The following ITGB3 variants were observed in gnomAD, a reference collection of about 807,000 sequenced individuals.
The protein encoded by ITGB3 is integrin subunit beta 3.
ITGB3 carries 48 observed loss-of-function variants against 85.8 expected under a neutral mutation model. The observed-to-expected ratio is 0.56, with a 90% CI of 0.44 to 0.71. ITGB3 has a LOEUF of 0.71. Among genes scored for constraint, ITGB3 ranks in the 30% least tolerant of loss-of-function variants. ITGB3 has a pLI of 0.00. For synonymous variants in ITGB3, 363 were observed against 395.6 expected (o/e 0.92, Z 0.98); for missense variants, 861 against 1,019.1 (o/e 0.84, Z 2.11).
chr17:47,253,848 G>C lies in ITGB3; in HGVS notation c.-14G>C. 7 of 1,211,606 alleles carry C rather than the reference G, an allele frequency of 5.8e-6. No individual in the cohort carries two copies. The highest frequency in any genetic ancestry group is 7.2e-6 in the Non-Finnish European group (7 of 975,038). 75.1% of individuals were successfully genotyped at this position (1,211,606 alleles called of 1,614,324 possible). On this transcript the variant is annotated 5_prime_UTR_variant, in exon 1 of 15. Transcript: ENST00000559488. ...CACTGTGGGGCGGGCGGAGCGCCGC[G>C]GGAGGCGGACGAGATGCGAGCGCGG...
intron 1 of ITGB3, among the ~76,000 whole-genome samples, chr17:47,258,069 C>T (rs2064996448): frequency 1.3e-5 from 2 of 152,206 alleles, no homozygotes; most frequent in Admixed American, 1.3e-4. Flanking sequence ...AGCATGCCCA[C>T]AGGAACCACA....
rs1282245056 is a variant in ITGB3 at position 47,300,507 on chromosome 17, G to A, written c.1943G>A (p.Arg648Gln). 8.1e-6 allele frequency: 13 copies of A among 1,613,932 alleles called. No homozygotes were observed. The highest frequency in any genetic ancestry group is 3.3e-4 in the Middle Eastern group (2 of 6,062). Residue 648 changes from arginine to glutamine, a missense_variant, in exon 12 of 15, where the codon CGG becomes CAG. By Grantham distance (43) the Arg-to-Gln change is conservative. Coordinates refer to ENST00000559488, the MANE Select transcript of ITGB3 (RefSeq NM_000212.3). ...KECVECKKFD[R>Q]GALHDENTCN... ...TGTGTGGAGTGTAAGAAGTTTGACC[G>A]GGGAGCCCTACATGACGAAAATACC...
intron 9 of ITGB3, among the ~76,000 whole-genome samples, chr17:47,291,651 C>T (rs1331676529): frequency 2.6e-5 from 4 of 152,176 alleles, no homozygotes; most frequent in Non-Finnish European, 4.4e-5. Context: ...GTGCAAACAT[C>T]CCATGTTAGA....
chr17:47,307,724 G>A, intron 14 of ITGB3, 87 bp downstream of exon 14: 2 of 1,266,648 alleles, frequency 1.6e-6, no homozygotes. Context: ...GTCATGTTCA[G>A]CCAGTACCAT....
At chr17:47,267,409 C>G (rs1288605768) in intron 1 of ITGB3, among the ~76,000 whole-genome samples, 2 of 152,218 alleles carry the variant, frequency 1.3e-5, no homozygotes, top group Non-Finnish European at 2.9e-5. Flanking sequence ...CAAACTCCTT[C>G]CACACGTTCA....
chr17:47,259,748 A>G (rs2065002676), intron 1 of ITGB3, among the ~76,000 whole-genome samples: 1 of 152,112 alleles, frequency 6.6e-6, no homozygotes, highest in African/African-American at 2.4e-5. Context: ...AAAAATACAA[A>G]ATCAGCTGGG....
At chr17:47,282,634 A>G (rs1366132226) in intron 2 of ITGB3, among the ~76,000 whole-genome samples, 2 of 152,148 alleles carry the variant, frequency 1.3e-5, no homozygotes, top group African/African-American at 2.4e-5. Context: ...ATTTGTGGTA[A>G]GTCCTAGGTC....
chr17:47,302,713 A>G lies in ITGB3; in HGVS notation c.2015-8A>G, dbSNP rs1245372675. 7.4e-6 allele frequency: 12 copies of G among 1,613,856 alleles called. No individual in the cohort carries two copies. The highest frequency in any genetic ancestry group is 1.1e-5 in the South Asian group (1 of 91,064). ...CACTTTTTATTCCTCCATTTTCCCT[A>G]CTCCCAGAGGACACTGGCAAGGATG... On this transcript the variant is annotated splice_region_variant and splice_polypyrimidine_tract_variant and intron_variant, in intron 12 of 14. Coordinates refer to ENST00000559488, the MANE Select transcript of ITGB3 (RefSeq NM_000212.3).
intron 1 of ITGB3, among the ~76,000 whole-genome samples, chr17:47,264,934 A>G (rs1405647854): frequency 1.3e-5 from 2 of 152,062 alleles, no homozygotes; most frequent in East Asian, 3.8e-4. Context: ...TTTGTTGTGT[A>G]TTTTTTGTTA....
intron 8 of ITGB3, 148 bp downstream of exon 8, chr17:47,290,422 C>T (rs2065120525): frequency 1.3e-6 from 1 of 759,300 alleles, no homozygotes; most frequent in Non-Finnish European, 2.4e-6. Context: ...GGCAATGGCC[C>T]GCTCTAGAAG....
chr17:47,288,206 A>AGAGAGAGAG (rs2065110684), intron 6 of ITGB3, among the ~76,000 whole-genome samples: 2 of 134,828 alleles, frequency 1.5e-5, no homozygotes, highest in Non-Finnish European at 3.2e-5. Flanking sequence ...TTCTCTTAGA[A>AGAGAGAGAG]AGAGAGAGAG....
In ITGB3 at chr17:47,292,029, C is replaced by T; in HGVS notation, c.1261-110C>T. 2.7e-6 allele frequency: 3 copies of T among 1,112,564 alleles called. No homozygotes were observed. The South Asian group carries it at 4.0e-5, about 15-fold the overall frequency. The allele number at this position is 1,112,564 out of a possible 1,614,324, so 68.9% of individuals were successfully genotyped here. On this transcript the variant is annotated intron_variant, in intron 9 of 14. Coordinates refer to ENST00000559488, the MANE Select transcript of ITGB3 (RefSeq NM_000212.3). Reference sequence around the variant, plus strand: ...CTCCAGATTGCAAAAGCATAAGACACCCAATTTGGGTATTCCTTGGCAGGG... The same window carrying T: ...CTCCAGATTGCAAAAGCATAAGACATCCAATTTGGGTATTCCTTGGCAGGG...
intron 11 of ITGB3, among the ~76,000 whole-genome samples, chr17:47,300,101 G>A (rs1401211505): frequency 6.6e-6 from 1 of 152,184 alleles, no homozygotes; most frequent in East Asian, 1.9e-4. Context: ...CTTTGAACAA[G>A]GGAGCTGACA....
intron 1 of ITGB3, among the ~76,000 whole-genome samples, chr17:47,258,860 T>G (rs920326200): frequency 3.3e-5 from 5 of 152,236 alleles, no homozygotes; most frequent in African/African-American, 1.2e-4. Flanking sequence ...AATGAAAGCA[T>G]GCAGTGTATA....
chr17:47,291,576 G>A, intron 9 of ITGB3: 1 of 266,156 alleles, frequency 3.8e-6, no homozygotes, highest in Non-Finnish European at 7.1e-6. Context: ...GAGGAAGGAG[G>A]GGAAGAAAAT....
At chr17:47,294,593 C>T (rs2065138971) in intron 10 of ITGB3, among the ~76,000 whole-genome samples, 1 of 152,206 alleles carries the variant, frequency 6.6e-6, no homozygotes, top group Admixed American at 6.5e-5. Flanking sequence ...CTCCCTCTAC[C>T]ATGTCTTGCT....
intron 2 of ITGB3, among the ~76,000 whole-genome samples, chr17:47,282,814 C>G (rs757809325): frequency 6.6e-6 from 1 of 152,238 alleles, no homozygotes. Context: ...ATTCTCCACT[C>G]TCCTCCAACA....
At position 47,310,697 on chromosome 17, in the gene ITGB3, T is replaced by C. The variant is rs1452404658; in HGVS notation, c.*493T>C. On this transcript the variant is annotated 3_prime_UTR_variant, in exon 15 of 15. Transcript: ENST00000559488. Reference sequence around the variant, plus strand: ...CAGGCCTGACTCTCAGCAGCTATGGTAGGAACTGCTGGGCTTGGCAGCCCG... The same window carrying C: ...CAGGCCTGACTCTCAGCAGCTATGGCAGGAACTGCTGGGCTTGGCAGCCCG... 1 of 214,202 alleles carries C rather than the reference T, an allele frequency of 4.7e-6. No homozygotes were observed. The highest frequency in any genetic ancestry group is 1.9e-3 in the Middle Eastern group (1 of 520). 13.3% of individuals were successfully genotyped at this position (214,202 alleles called of 1,614,324 possible). A position where few individuals can be genotyped will look rare whatever the true frequency, so the allele number is the denominator to read the frequency against.
Position 47,294,646 on chromosome 17 carries a change from G to A in ITGB3, c.1690+2078G>A, listed in dbSNP as rs192830766. On this transcript the variant is annotated intron_variant, in intron 10 of 14. Coordinates refer to ENST00000559488, the MANE Select transcript of ITGB3 (RefSeq NM_000212.3). ...CCCAGCCTCAGGTCTAGACCCTGTGGTGCCATCATCACATCCTCCAGTGAC... is the reference window on the plus strand; with the variant it reads ...CCCAGCCTCAGGTCTAGACCCTGTGATGCCATCATCACATCCTCCAGTGAC... 3.3e-5 allele frequency among the ~76,000 whole-genome samples: 5 copies of A among 152,306 alleles called. No individual in the cohort carries two copies. The East Asian group carries it at 7.7e-4, about 24-fold the overall frequency.
Sources: allele counts gnomAD v4.1 joint callset (sites outside exome capture counted in the v4.1 genomes callset), GRCh38; gene constraint gnomAD v4.1.1; transcripts MANE v1.5; gene names NCBI Gene and HGNC (gene_info 2026-07-23, HGNC 2026-07-21).